DLGAP1: variants seen among roughly 807,000 people sequenced by gnomAD.
DLGAP1 encodes the protein disks large-associated protein 1.
Under a neutral mutation model 90.8 loss-of-function variants are expected in DLGAP1, and 11 were observed. That is an observed-to-expected ratio of 0.12 (90% CI 0.08 to 0.20). The LOEUF (loss-of-function observed/expected upper bound fraction) is 0.20. DLGAP1 is among the 10% of genes least tolerant of loss of function. The pLI is 1.00. For missense variants in DLGAP1, 1,050 were observed against 1,333.8 expected (o/e 0.79, Z 3.31); for synonymous variants, 558 against 540.7 (o/e 1.03, Z -0.44).
At chr18:3,582,847 C>A (rs1228041516) in intron 7 of DLGAP1, among the ~76,000 whole-genome samples, 1 of 84,398 alleles carries the variant, frequency 1.2e-5, no homozygotes, top group African/African-American at 4.8e-5. Context: ...CCTCCCTCCC[C>A]CCTCCCTCCC....
At chr18:3,947,967 T>C (rs963630110) in intron 3 of DLGAP1, among the ~76,000 whole-genome samples, 2 of 151,834 alleles carry the variant, frequency 1.3e-5, no homozygotes, top group African/African-American at 4.8e-5. Context: ...GAAATAGAGG[T>C]AGTTGTGGGT....
chr18:4,223,935 T>C (rs1568459363), intron 1 of DLGAP1, among the ~76,000 whole-genome samples: 1 of 152,226 alleles, frequency 6.6e-6, no homozygotes, highest in Non-Finnish European at 1.5e-5. Context: ...GACATTTTTA[T>C]ATAACCAGTC....
intron 4 of DLGAP1, among the ~76,000 whole-genome samples, chr18:3,867,522 A>G (rs1190662216): frequency 2.0e-5 from 3 of 152,102 alleles, no homozygotes; most frequent in Admixed American, 2.0e-4. Context: ...ATGGGTTTCT[A>G]AGGCTTGTGT....
intron 1 of DLGAP1, among the ~76,000 whole-genome samples, chr18:4,250,488 C>CA (rs1375465992): frequency 6.6e-6 from 1 of 152,150 alleles, no homozygotes; most frequent in Non-Finnish European, 1.5e-5. Flanking sequence ...ATTTTGCTAC[C>CA]ATTTTATACC....
intron 3 of DLGAP1, among the ~76,000 whole-genome samples, chr18:3,900,296 T>C (rs1026409185): frequency 1.3e-5 from 2 of 152,238 alleles, no homozygotes; most frequent in East Asian, 3.8e-4. Context: ...CTGTCTGCCC[T>C]GATACCGACA....
chr18:4,422,076 A>T (rs952293157), intron 1 of DLGAP1, among the ~76,000 whole-genome samples: 1 of 152,166 alleles, frequency 6.6e-6, no homozygotes, highest in East Asian at 1.9e-4. Context: ...TATTTGGTTC[A>T]TATGTGAATG....
intron 5 of DLGAP1, among the ~76,000 whole-genome samples, chr18:3,763,133 C>A (rs369104182): frequency 8.5e-5 from 13 of 152,150 alleles, no homozygotes; most frequent in Non-Finnish European, 1.3e-4. Context: ...GAAAGGCAGA[C>A]CCACCCTTAA....
At chr18:4,103,112 T>G (rs1260391068) in intron 2 of DLGAP1, among the ~76,000 whole-genome samples, 1 of 152,264 alleles carries the variant, frequency 6.6e-6, no homozygotes, top group East Asian at 1.9e-4. Context: ...GTTTCCATAT[T>G]CTGTAGTTTT....
chr18:4,123,238 G>T (rs1056955903), intron 2 of DLGAP1, among the ~76,000 whole-genome samples: 2 of 152,116 alleles, frequency 1.3e-5, no homozygotes, highest in Non-Finnish European at 2.9e-5. Context: ...TGACCAGGGA[G>T]CCTGGACTCT....
At chr18:3,685,842 G>A (rs114990116) in intron 7 of DLGAP1, among the ~76,000 whole-genome samples, 2,426 of 152,258 alleles carry the variant, frequency 0.016, 64 homozygotes, top group African/African-American at 0.056. Flanking sequence ...TTCAAGGCCC[G>A]TGCCATCATA....
intron 1 of DLGAP1, among the ~76,000 whole-genome samples, chr18:4,164,714 A>C (rs2076904786): frequency 6.6e-6 from 1 of 152,124 alleles, no homozygotes; most frequent in African/African-American, 2.4e-5. Flanking sequence ...AAGCAACAAC[A>C]ACAACAACCA....
intron 1 of DLGAP1, among the ~76,000 whole-genome samples, chr18:4,258,306 A>G (rs1043016822): frequency 2.0e-5 from 3 of 152,312 alleles, no homozygotes; most frequent in Non-Finnish European, 4.4e-5. Flanking sequence ...GGCCTCCCAA[A>G]GTGCTGAGAT....
chr18:3,660,916 T>C lies in DLGAP1; in HGVS notation c.1591+68219A>G, dbSNP rs1432633336. ...ACCCTGGGCCAAATTATGACAGCAA[T>C]GTTCACAGGAAACTGTATGATAAGG... On this transcript the variant is annotated intron_variant, in intron 7 of 12. Transcript: ENST00000315677. This position sits in a 1 kb window ranked among gnomAD's most constrained non-coding sequence, Gnocchi z 4.2. 2.0e-5 allele frequency among the ~76,000 whole-genome samples: 3 copies of C among 152,198 alleles called. No individual in the cohort carries two copies. The highest frequency in any genetic ancestry group is 2.9e-5 in the Non-Finnish European group (2 of 68,030).
At chr18:3,642,641 G>T (rs900430767) in intron 7 of DLGAP1, among the ~76,000 whole-genome samples, 1 of 152,168 alleles carries the variant, frequency 6.6e-6, no homozygotes, top group Non-Finnish European at 1.5e-5. Flanking sequence ...GGGATAATAA[G>T]AGTGGCTACT....
At chr18:4,285,953 T>A (rs532865191) in intron 1 of DLGAP1, among the ~76,000 whole-genome samples, 1 of 152,212 alleles carries the variant, frequency 6.6e-6, no homozygotes, top group Non-Finnish European at 1.5e-5. Flanking sequence ...AACCTCCTGA[T>A]GACTTTTAAA....
At chr18:4,247,944 G>A (rs1422316640) in intron 1 of DLGAP1, among the ~76,000 whole-genome samples, 1 of 152,064 alleles carries the variant, frequency 6.6e-6, no homozygotes, top group East Asian at 1.9e-4. Flanking sequence ...CACTATCTGA[G>A]AACTCAGGAT....
At chr18:4,304,315 C>T (rs1035179863) in intron 1 of DLGAP1, among the ~76,000 whole-genome samples, 5 of 152,012 alleles carry the variant, frequency 3.3e-5, no homozygotes, top group Non-Finnish European at 5.9e-5. Context: ...TATACTAAAC[C>T]AAAATAAAAT....
At chr18:3,569,042 C>T (rs1052080822) in intron 8 of DLGAP1, among the ~76,000 whole-genome samples, 1 of 149,870 alleles carries the variant, frequency 6.7e-6, no homozygotes, top group African/African-American at 2.5e-5. Context: ...TCACTCTGTC[C>T]CCCAGGCTAG....
At chr18:3,820,884 G>A (rs954599665) in intron 4 of DLGAP1, among the ~76,000 whole-genome samples, 8 of 152,102 alleles carry the variant, frequency 5.3e-5, no homozygotes, top group African/African-American at 1.9e-4. Flanking sequence ...TGACAATTAT[G>A]GAATAATCTC....
Sources: gnomAD v4.1 joint callset for allele counts (sites outside exome capture counted in the v4.1 genomes callset) on GRCh38, gnomAD v4.1.1 for gene constraint, Gnocchi (gnomAD v3.1) non-coding constraint, MANE v1.5 for transcripts, NCBI Gene and HGNC (gene_info 2026-07-23, HGNC 2026-07-21) for gene names.